DACH1: variants seen among roughly 807,000 people sequenced by gnomAD.
The protein encoded by DACH1 is dachshund family transcription factor 1, also known as dachshund homolog 1.
Under a neutral mutation model 54.2 loss-of-function variants are expected in DACH1, and 12 were observed. That is an observed-to-expected ratio of 0.22 (90% CI 0.14 to 0.36). DACH1 has a LOEUF of 0.36. DACH1 is among the 10% of genes least tolerant of loss of function. The pLI, the probability that DACH1 is intolerant of heterozygous loss-of-function variation, is 1.00. For synonymous variants in DACH1, 386 were observed against 366.2 expected (o/e 1.05, Z -0.62); for missense variants, 805 against 929.8 (o/e 0.87, Z 1.75).
intron 2 of DACH1, among the ~76,000 whole-genome samples, chr13:71,667,690 A>C (rs1879931303): frequency 6.6e-6 from 1 of 151,998 alleles, no homozygotes; most frequent in South Asian, 2.1e-4. Context: ...CAAAAAGACA[A>C]CTCATATGGA....
At chr13:71,687,068 A>G (rs1881200678) in intron 1 of DACH1, among the ~76,000 whole-genome samples, 1 of 152,196 alleles carries the variant, frequency 6.6e-6, no homozygotes, top group Non-Finnish European at 1.5e-5. Context: ...GAGTGAAAGC[A>G]ACTTGCTCTG....
chr13:71,840,378 A>T (rs1464049490), intron 1 of DACH1, among the ~76,000 whole-genome samples: 1 of 152,158 alleles, frequency 6.6e-6, no homozygotes, highest in Non-Finnish European at 1.5e-5. Context: ...TGGAAAAAAA[A>T]TTTCCCAGTG....
At chr13:71,716,966 A>G (rs1883002678) in intron 1 of DACH1, among the ~76,000 whole-genome samples, 1 of 152,094 alleles carries the variant, frequency 6.6e-6, no homozygotes. Flanking sequence ...GTAATTAACT[A>G]TTTTTTTAAA....
chr13:71,596,541 A>G (rs927570649), intron 3 of DACH1, among the ~76,000 whole-genome samples: 1 of 152,208 alleles, frequency 6.6e-6, no homozygotes, highest in African/African-American at 2.4e-5. Context: ...CAGAAAGCAT[A>G]TAAACAAAGA....
intron 10 of DACH1, among the ~76,000 whole-genome samples, chr13:71,471,875 C>A (rs755681706): frequency 2.6e-5 from 4 of 152,138 alleles, no homozygotes; most frequent in Non-Finnish European, 5.9e-5. Context: ...ATAGATTTGG[C>A]TACATAAAAT....
chr13:71,739,950 C>T (rs1449395045), intron 1 of DACH1, among the ~76,000 whole-genome samples: 1 of 152,118 alleles, frequency 6.6e-6, no homozygotes, highest in Non-Finnish European at 1.5e-5. Flanking sequence ...AAGTAGAAAA[C>T]ATTTCCAGGA....
At chr13:71,661,406 G>C (rs75946033) in intron 2 of DACH1, among the ~76,000 whole-genome samples, 1 of 151,752 alleles carries the variant, frequency 6.6e-6, no homozygotes, top group African/African-American at 2.4e-5. Context: ...TATGTTCTGG[G>C]ATATTACAAC....
At chr13:71,551,884 A>G (rs1053372375) in intron 6 of DACH1, among the ~76,000 whole-genome samples, 2 of 152,000 alleles carry the variant, frequency 1.3e-5, no homozygotes, top group African/African-American at 4.8e-5. Flanking sequence ...CCAGTATGAA[A>G]AGTTTTTATA....
intron 3 of DACH1, among the ~76,000 whole-genome samples, chr13:71,620,666 G>A (rs1876164240): frequency 6.6e-6 from 1 of 151,842 alleles, no homozygotes; most frequent in South Asian, 2.1e-4. Flanking sequence ...TGTGTGTTCA[G>A]TGTGATGTTT....
At chr13:71,575,608 A>G (rs938916705) in intron 3 of DACH1, among the ~76,000 whole-genome samples, 2 of 152,032 alleles carry the variant, frequency 1.3e-5, no homozygotes, top group Non-Finnish European at 2.9e-5. Context: ...TGATTAAATC[A>G]CTCTGAAAAC....
intron 1 of DACH1, among the ~76,000 whole-genome samples, chr13:71,822,844 G>C (rs564932439): frequency 2.0e-4 from 31 of 151,980 alleles, no homozygotes; most frequent in Admixed American, 8.5e-4. Context: ...AACATCTCTC[G>C]CTTTTATTAT....
intron 7 of DACH1, among the ~76,000 whole-genome samples, chr13:71,485,252 A>G: frequency 6.6e-6 from 1 of 151,410 alleles, no homozygotes; most frequent in East Asian, 1.9e-4. Flanking sequence ...ACCACAATGA[A>G]AAAAAAATGC....
At chr13:71,545,448 C>T (rs764815967) in intron 6 of DACH1, among the ~76,000 whole-genome samples, 16 of 151,400 alleles carry the variant, frequency 1.1e-4, no homozygotes, top group Non-Finnish European at 1.6e-4. Flanking sequence ...TATTTTCATG[C>T]TTCATTAGTA....
intron 1 of DACH1, among the ~76,000 whole-genome samples, chr13:71,798,336 A>G (rs1379573526): frequency 5.2e-5 from 5 of 96,082 alleles, no homozygotes; most frequent in Non-Finnish European, 9.2e-5. Context: ...ATATATATAT[A>G]TATATATATA....
chr13:71,864,210 CACACA>C (rs1874555696), intron 1 of DACH1, among the ~76,000 whole-genome samples: 1 of 109,686 alleles, frequency 9.1e-6, no homozygotes, highest in Admixed American at 1.0e-4. Context: ...CACACACACA[CACACA>C]ACATTTACCC....
intron 1 of DACH1, among the ~76,000 whole-genome samples, chr13:71,795,111 T>A (rs1886990078): frequency 6.6e-6 from 1 of 152,206 alleles, no homozygotes; most frequent in Non-Finnish European, 1.5e-5. Context: ...CAGCAAAGTC[T>A]ATTTCTAATT....
chr13:71,764,531 G>T (rs917377934), intron 1 of DACH1, among the ~76,000 whole-genome samples: 3 of 152,092 alleles, frequency 2.0e-5, no homozygotes, highest in Non-Finnish European at 4.4e-5. Flanking sequence ...AACATAAACA[G>T]CCCACAAAAT....
At chr13:71,754,759 A>T (rs1355039449) in intron 1 of DACH1, among the ~76,000 whole-genome samples, 1 of 152,202 alleles carries the variant, frequency 6.6e-6, no homozygotes, top group Non-Finnish European at 1.5e-5. Flanking sequence ...AAAAGGCACA[A>T]ATATATCGCA....
chr13:71,720,497 A>G (rs541965765), intron 1 of DACH1, among the ~76,000 whole-genome samples: 1 of 152,308 alleles, frequency 6.6e-6, no homozygotes, highest in Non-Finnish European at 1.5e-5. Flanking sequence ...TGTCTAACAA[A>G]TGTGTTTGAC....
Sources: allele counts gnomAD v4.1 joint callset (sites outside exome capture counted in the v4.1 genomes callset), GRCh38; gene constraint gnomAD v4.1.1; transcripts MANE v1.5; gene names NCBI Gene and HGNC (gene_info 2026-07-23, HGNC 2026-07-21).